Variants in OR51B5 observed in about 807,000 individuals in gnomAD.
OR51B5 encodes the protein olfactory receptor 51B5.
For missense variants in OR51B5, 456 were observed against 374.6 expected (o/e 1.22, Z -1.79); for synonymous variants, 186 against 144.8 (o/e 1.28, Z -2.04).
At chr11:5,475,340 T>C (rs1851287383) in intron 1 of OR51B5, among the ~76,000 whole-genome samples, 1 of 152,176 alleles carries the variant, frequency 6.6e-6, no homozygotes, top group Non-Finnish European at 1.5e-5. Flanking sequence ...ATTGTTCTCT[T>C]GTTCTGTTCC....
At chr11:5,366,983 C>G (rs918870061) in intron 1 of OR51B5, among the ~76,000 whole-genome samples, 1 of 152,086 alleles carries the variant, frequency 6.6e-6, no homozygotes, top group African/African-American at 2.4e-5. Context: ...ACATTCCCCT[C>G]CCAAAGTTTG....
intron 1 of OR51B5, among the ~76,000 whole-genome samples, chr11:5,467,683 A>C (rs774893622): frequency 5.3e-5 from 8 of 152,192 alleles, no homozygotes; most frequent in Non-Finnish European, 1.2e-4. Context: ...GCCTTCAGCT[A>C]TCCCTCTTCT....
chr11:5,439,497 A>G (rs1850642840), intron 1 of OR51B5, among the ~76,000 whole-genome samples: 1 of 152,172 alleles, frequency 6.6e-6, no homozygotes, highest in Admixed American at 6.5e-5. Context: ...CTAAACAGTT[A>G]TCTGTAACCA....
At chr11:5,361,811 T>C (rs577430575) in intron 1 of OR51B5, among the ~76,000 whole-genome samples, 8 of 152,294 alleles carry the variant, frequency 5.3e-5, no homozygotes, top group African/African-American at 1.9e-4. Context: ...ATCTCTGGTG[T>C]AGTTCCAGAC....
intron 1 of OR51B5, among the ~76,000 whole-genome samples, chr11:5,431,946 A>T (rs1355356043): frequency 6.6e-6 from 1 of 152,246 alleles, no homozygotes; most frequent in Admixed American, 6.5e-5. Context: ...ATTGTGTCAC[A>T]TGCATAAAAT....
At chr11:5,412,746 C>G (rs1001350383) in intron 1 of OR51B5, among the ~76,000 whole-genome samples, 13 of 152,072 alleles carry the variant, frequency 8.5e-5, no homozygotes, top group South Asian at 4.2e-4. Flanking sequence ...GGGAGGGGCA[C>G]CCGCCATTGC....
At chr11:5,386,238 A>T (rs936680657) in intron 1 of OR51B5, among the ~76,000 whole-genome samples, 2 of 151,942 alleles carry the variant, frequency 1.3e-5, no homozygotes, top group Non-Finnish European at 2.9e-5. Flanking sequence ...AAAAAATGAT[A>T]TGGGTGTGTT....
At chr11:5,450,011 T>G (rs1850819928) in intron 1 of OR51B5, among the ~76,000 whole-genome samples, 1 of 152,104 alleles carries the variant, frequency 6.6e-6, no homozygotes, top group Non-Finnish European at 1.5e-5. Context: ...TAGCAAACTC[T>G]CACAGGCATT....
chr11:5,481,756 T>A (rs1329366122), intron 1 of OR51B5, among the ~76,000 whole-genome samples: 1 of 118,084 alleles, frequency 8.5e-6, no homozygotes, highest in Admixed American at 8.5e-5. Context: ...CCATTCACAA[T>A]TGCTTCAAAG....
chr11:5,440,950 C>T lies in OR51B5; in HGVS notation n.84+64619G>A, dbSNP rs753051834. ...TTAACATGGATGTCTCCACATGCTACTTTCATGAGATCTGGATGGAGACAG... is the reference window on the plus strand; with the variant it reads ...TTAACATGGATGTCTCCACATGCTATTTTCATGAGATCTGGATGGAGACAG... On this transcript the variant is annotated intron_variant and non_coding_transcript_variant, in intron 1 of 4. Coordinates refer to the OR51B5 transcript ENST00000415970. 3.7e-6 allele frequency: 6 copies of T among 1,613,950 alleles called. No homozygotes were observed. In the South Asian group the frequency reaches 4.4e-5, roughly 12 times the overall value.
chr11:5,466,391 A>G (rs1436873316), intron 1 of OR51B5, among the ~76,000 whole-genome samples: 2 of 152,230 alleles, frequency 1.3e-5, no homozygotes, highest in Non-Finnish European at 2.9e-5. Flanking sequence ...ATGCCTTATT[A>G]TGAGAATTCC....
At chr11:5,451,103 A>G (rs950324445) in intron 1 of OR51B5, among the ~76,000 whole-genome samples, 3 of 152,258 alleles carry the variant, frequency 2.0e-5, no homozygotes, top group African/African-American at 4.8e-5. Flanking sequence ...AGCAGCTGAC[A>G]TATCACATGC....
At chr11:5,388,653 A>T (rs961854623) in intron 1 of OR51B5, among the ~76,000 whole-genome samples, 1 of 151,204 alleles carries the variant, frequency 6.6e-6, no homozygotes, top group Admixed American at 6.6e-5. Context: ...AGAGAAAATA[A>T]GGTAGGGTCT....
intron 1 of OR51B5, among the ~76,000 whole-genome samples, chr11:5,470,947 CT>C (rs1196450069): frequency 1.3e-5 from 2 of 152,188 alleles, no homozygotes; most frequent in Non-Finnish European, 2.9e-5. Flanking sequence ...TACTCTTTTA[CT>C]AGAAACCTAT....
intron 1 of OR51B5, among the ~76,000 whole-genome samples, chr11:5,364,508 T>G (rs1849337099): frequency 6.6e-6 from 1 of 152,212 alleles, no homozygotes; most frequent in Non-Finnish European, 1.5e-5. Context: ...GGACTATAAA[T>G]TCAACTACAT....
chr11:5,398,416 T>C (rs1297656082), intron 1 of OR51B5, among the ~76,000 whole-genome samples: 2 of 152,226 alleles, frequency 1.3e-5, no homozygotes, highest in Non-Finnish European at 1.5e-5. Flanking sequence ...CTAGAGACTC[T>C]GATCAGCTTT....
intron 1 of OR51B5, among the ~76,000 whole-genome samples, chr11:5,401,857 TTTTTC>T (rs1849973240): frequency 7.2e-6 from 1 of 139,646 alleles, no homozygotes; most frequent in South Asian, 2.4e-4. Flanking sequence ...TTTCTTCTGC[TTTTTC>T]TTTTTCCTTC....
intron 1 of OR51B5, chr11:5,355,670 T>C (rs1849182188): frequency 6.6e-6 from 1 of 152,208 alleles, no homozygotes; most frequent in South Asian, 2.1e-4. Flanking sequence ...TGATGTGTAC[T>C]GTATCCACAA....
intron 1 of OR51B5, among the ~76,000 whole-genome samples, chr11:5,369,301 G>A (rs530037138): frequency 5.9e-5 from 9 of 152,142 alleles, no homozygotes; most frequent in Middle Eastern, 3.4e-3. Flanking sequence ...ACAAAGTCAC[G>A]GCTTAACAAA....
Sources: allele counts gnomAD v4.1 joint callset (sites outside exome capture counted in the v4.1 genomes callset), GRCh38; gene constraint gnomAD v4.1.1; transcripts MANE v1.5; gene names NCBI Gene and HGNC (gene_info 2026-07-23, HGNC 2026-07-21).